The following LINGO2 variants were observed in gnomAD, a reference collection of about 807,000 sequenced individuals.
LINGO2 encodes the protein leucine rich repeat and Ig domain containing 2.
A neutral mutation model predicts 30.6 loss-of-function variants in LINGO2; 14 were observed. The observed-to-expected ratio is 0.46, with a 90% CI of 0.30 to 0.72. The LOEUF is 0.72. Ranked by LOEUF, LINGO2 falls within the 30% of genes least tolerant of loss-of-function variation. The probability of loss-of-function intolerance (pLI) is 0.07; values close to 1 mark genes in which losing one functional copy is unlikely to be tolerated. For missense variants in LINGO2, 729 were observed against 751.7 expected, an observed-to-expected ratio of 0.97 and a Z score of 0.35; for synonymous variants, 317 against 288.5, an observed-to-expected ratio of 1.10 and a Z score of -1.00.
chr9:29,177,901 T>G, the LINGO2 span, among the ~76,000 whole-genome samples: 316 of 152,218 alleles, frequency 2.1e-3, 1 homozygote, highest in African/African-American at 7.2e-3. Context: ...GCTCCACACC[T>G]TCATAATCAT....
the LINGO2 span, among the ~76,000 whole-genome samples, chr9:28,815,425 TG>T: frequency 6.6e-6 from 1 of 152,176 alleles, no homozygotes; most frequent in African/African-American, 2.4e-5. Flanking sequence ...GCACAGATTG[TG>T]GGGTTGCCAT....
intron 4 of LINGO2, among the ~76,000 whole-genome samples, chr9:28,230,394 A>G (rs2133933561): frequency 6.6e-6 from 1 of 152,006 alleles, no homozygotes. Context: ...ATCATACATG[A>G]AACTATGATA....
chr9:28,049,460 A>T (rs561055197), intron 4 of LINGO2, among the ~76,000 whole-genome samples: 5 of 150,566 alleles, frequency 3.3e-5, no homozygotes, highest in African/African-American at 4.9e-5. Flanking sequence ...GGCAAAAAGG[A>T]TAAGTGGCTG....
intron 4 of LINGO2, among the ~76,000 whole-genome samples, chr9:28,241,390 G>C (rs1042763037): frequency 6.6e-6 from 1 of 151,930 alleles, no homozygotes; most frequent in African/African-American, 2.4e-5. Context: ...GATCCAAACA[G>C]TGTGCAAGTC....
At chr9:28,402,282 C>T (rs1822303332) in intron 2 of LINGO2, among the ~76,000 whole-genome samples, 1 of 152,088 alleles carries the variant, frequency 6.6e-6, no homozygotes, top group South Asian at 2.1e-4. Flanking sequence ...TGTATTTCCT[C>T]TCTCTTTTCT....
chr9:28,844,084 G>A, the LINGO2 span, among the ~76,000 whole-genome samples: 780 of 151,838 alleles, frequency 5.1e-3, 17 homozygotes, highest in East Asian at 0.054. Context: ...AGGAAACGTC[G>A]GGCACAGTGG....
chr9:28,676,466 A>AGGGG, the LINGO2 span, among the ~76,000 whole-genome samples: 1 of 152,176 alleles, frequency 6.6e-6, no homozygotes, highest in East Asian at 1.9e-4. Context: ...ACCATACCAC[A>AGGGG]AGAGAATCTT....
At chr9:28,881,615 T>C in the LINGO2 span, among the ~76,000 whole-genome samples, 5 of 151,750 alleles carry the variant, frequency 3.3e-5, no homozygotes, top group African/African-American at 4.8e-5. Context: ...TTTTTTTCAA[T>C]GTACGGTATG....
At chr9:28,555,837 T>A (rs1485939588) in intron 1 of LINGO2, among the ~76,000 whole-genome samples, 1 of 151,914 alleles carries the variant, frequency 6.6e-6, no homozygotes, top group Non-Finnish European at 1.5e-5. Flanking sequence ...GCAAGGCTGG[T>A]TCAATATAAG....
At chr9:28,097,086 G>A (rs1042888652) in intron 4 of LINGO2, among the ~76,000 whole-genome samples, 20 of 151,718 alleles carry the variant, frequency 1.3e-4, no homozygotes, top group Non-Finnish European at 2.5e-4. Flanking sequence ...ATGAAAAAAT[G>A]CTCACCATCA....
intron 4 of LINGO2, among the ~76,000 whole-genome samples, chr9:28,016,556 T>G (rs1022909685): frequency 6.6e-6 from 1 of 151,710 alleles, no homozygotes; most frequent in Non-Finnish European, 1.5e-5. Flanking sequence ...TATGAACACC[T>G]CTATGCACAC....
intron 1 of LINGO2, among the ~76,000 whole-genome samples, chr9:28,594,968 T>A (rs1208691874): frequency 6.6e-6 from 1 of 152,124 alleles, no homozygotes; most frequent in Admixed American, 6.6e-5. Context: ...TAAGATTTCA[T>A]TTGAAGAGGA....
chr9:28,559,214 C>G (rs559779868), intron 1 of LINGO2, among the ~76,000 whole-genome samples: 5 of 152,188 alleles, frequency 3.3e-5, no homozygotes, highest in African/African-American at 1.2e-4. Flanking sequence ...CTAATACTCT[C>G]CAGAGAGGGA....
rs574898618 is a variant in LINGO2 at position 27,980,848 on chromosome 9, T to C, written c.-35-30142A>G. Among the ~76,000 whole-genome samples the C allele has an allele frequency of 2.3e-3, 347 of 151,966 alleles. 1 individual carries two copies. Among genetic ancestry groups the C allele is most frequent in the African/African-American group, 7.9e-3 (330 of 41,520 alleles). On this transcript the variant is annotated intron_variant, in intron 5 of 5. Coordinates refer to ENST00000379992, the Ensembl canonical transcript of LINGO2. ...GGGAAGTGCTTCTTAAGTGATACTT[T>C]TTCCTTGGTGAGGACTCTGTTTATG...
intron 2 of LINGO2, among the ~76,000 whole-genome samples, chr9:28,385,549 G>C (rs1003570456): frequency 6.6e-6 from 1 of 152,064 alleles, no homozygotes; most frequent in Non-Finnish European, 1.5e-5. Flanking sequence ...AATAAAATTA[G>C]GCTTTGTGGC....
At chr9:28,785,333 C>A in the LINGO2 span, among the ~76,000 whole-genome samples, 1 of 152,104 alleles carries the variant, frequency 6.6e-6, no homozygotes, top group Non-Finnish European at 1.5e-5. Context: ...CATGATAGGA[C>A]CATGTTAGAC....
chr9:28,346,359 A>G (rs1266087936), intron 3 of LINGO2, among the ~76,000 whole-genome samples: 1 of 152,170 alleles, frequency 6.6e-6, no homozygotes, highest in African/African-American at 2.4e-5. Context: ...CCATGTTCCC[A>G]CAAAGGACAT....
the LINGO2 span, among the ~76,000 whole-genome samples, chr9:29,055,429 C>T: frequency 8.9e-4 from 136 of 152,282 alleles, no homozygotes; most frequent in African/African-American, 3.2e-3. Context: ...CATATCACCA[C>T]ATTTTTTGTA....
the LINGO2 span, among the ~76,000 whole-genome samples, chr9:28,825,118 T>C: frequency 6.6e-6 from 1 of 152,126 alleles, no homozygotes; most frequent in Non-Finnish European, 1.5e-5. Flanking sequence ...TATCTATGCC[T>C]GATTCATTGC....
Sources: allele counts gnomAD v4.1 joint callset (sites outside exome capture counted in the v4.1 genomes callset), GRCh38; gene constraint gnomAD v4.1.1; transcripts MANE v1.5; gene names NCBI Gene and HGNC (gene_info 2026-07-23, HGNC 2026-07-21).